The following ROBO2 variants were observed in gnomAD, a reference collection of about 807,000 sequenced individuals.
The protein encoded by ROBO2 is roundabout homolog 2.
In ROBO2, 53 loss-of-function variants were observed where a neutral mutation model predicts 160.8. The observed-to-expected ratio is 0.33, with a 90% CI of 0.26 to 0.41. The LOEUF is 0.41. Ranked by LOEUF, ROBO2 falls within the 10% of genes least tolerant of loss-of-function variation. The probability of loss-of-function intolerance (pLI) is 1.00; values close to 1 mark genes in which losing one functional copy is unlikely to be tolerated. For missense variants in ROBO2, 1,577 were observed against 1,722.4 expected (o/e 0.92, Z 1.49); for synonymous variants, 664 against 611.7 (o/e 1.09, Z -1.26).
intron 21 of ROBO2, among the ~76,000 whole-genome samples, chr3:77,613,949 T>A (rs888620399): frequency 6.6e-6 from 1 of 152,082 alleles, no homozygotes; most frequent in Non-Finnish European, 1.5e-5. Context: ...TTAAGATAGG[T>A]AAAACTGGAG....
intron 2 of ROBO2, among the ~76,000 whole-genome samples, chr3:77,108,871 C>T (rs759397892): frequency 6.6e-5 from 10 of 152,114 alleles, no homozygotes; most frequent in Middle Eastern, 3.4e-3. Context: ...AATGACTAAA[C>T]GAATTGATGA....
chr3:76,893,311 A>AACACACAC (rs112654771), intron 2 of ROBO2, among the ~76,000 whole-genome samples: 1,611 of 149,288 alleles, frequency 0.011, 17 homozygotes, highest in African/African-American at 0.035. Context: ...TTTTCAAGTG[A>AACACACAC]ACACACACAC....
At chr3:76,545,013 G>A (rs184938187) in intron 2 of ROBO2, among the ~76,000 whole-genome samples, 4 of 152,010 alleles carry the variant, frequency 2.6e-5, no homozygotes, top group Non-Finnish European at 5.9e-5. Flanking sequence ...TTGATGTCCA[G>A]GGCTAAACTT....
At chr3:77,148,011 C>G (rs1174859487) in intron 2 of ROBO2, among the ~76,000 whole-genome samples, 1 of 152,198 alleles carries the variant, frequency 6.6e-6, no homozygotes, top group Non-Finnish European at 1.5e-5. Context: ...CACACAGAGA[C>G]GCGAGGCCTG....
At chr3:77,120,134 G>C (rs970791406) in intron 2 of ROBO2, among the ~76,000 whole-genome samples, 1 of 152,148 alleles carries the variant, frequency 6.6e-6, no homozygotes, top group African/African-American at 2.4e-5. Flanking sequence ...TTAGCATCAT[G>C]ATGACCGATA....
chr3:76,068,510 G>A (rs4306863), intron 2 of ROBO2, among the ~76,000 whole-genome samples: 94,303 of 151,538 alleles, frequency 0.62, 29,942 homozygotes, highest in African/African-American at 0.74. Flanking sequence ...AGACCCTATC[G>A]CCTCTCAATT....
exon 16 of ROBO2, chr3:77,580,083 T>C (rs868146167): frequency 6.2e-7 from 1 of 1,613,678 alleles, no homozygotes; most frequent in Admixed American, 1.7e-5. Flanking sequence ...AGTGCAGGGG[T>C]TGGAGTAAAG....
rs143533144 is a variant in ROBO2, at chr3:77,427,339, A to G, written c.389-50075A>G. ...TGCTAGTCAGTGTTGTAAGCACTTG[A>G]TGTATTATTTCATTTAATTATTACA... On this transcript the variant is annotated intron_variant, in intron 2 of 25. Coordinates refer to ENST00000461745, the Ensembl canonical transcript of ROBO2. 2.7e-3 allele frequency among the ~76,000 whole-genome samples: 404 copies of G among 152,318 alleles called. 1 individual carries two copies. The highest frequency in any genetic ancestry group is 4.4e-3 in the Non-Finnish European group (296 of 68,030).
At chr3:76,668,746 GA>G (rs11370978) in intron 2 of ROBO2, among the ~76,000 whole-genome samples, 41,384 of 149,558 alleles carry the variant, frequency 0.28, 6,226 homozygotes, top group East Asian at 0.52. Flanking sequence ...CAAACTCAGA[GA>G]AAAAAAAAAA....
chr3:76,101,637 T>C (rs2108168713), intron 2 of ROBO2, among the ~76,000 whole-genome samples: 1 of 152,022 alleles, frequency 6.6e-6, no homozygotes, highest in South Asian at 2.1e-4. Context: ...CATGTTGGTG[T>C]GCTGCACCCA....
intron 2 of ROBO2, among the ~76,000 whole-genome samples, chr3:76,218,765 T>C (rs181234153): frequency 0.03 from 4,527 of 151,574 alleles, 163 homozygotes; most frequent in African/African-American, 0.082. Context: ...TTCAATGCCA[T>C]CCCCATCAAG....
intron 2 of ROBO2, among the ~76,000 whole-genome samples, chr3:77,387,382 A>T (rs7612094): frequency 0.32 from 48,235 of 150,652 alleles, 7,981 homozygotes; most frequent in East Asian, 0.46. Context: ...GAGAAGAAAA[A>T]AAGAACATCT....
chr3:77,067,782 T>A (rs555615259), intron 1 of ROBO2, among the ~76,000 whole-genome samples: 13 of 152,310 alleles, frequency 8.5e-5, no homozygotes, highest in African/African-American at 2.9e-4. Flanking sequence ...TGGCTGATGT[T>A]AAAATAAGAG....
At position 76,976,429 on chromosome 3, in the gene ROBO2, T is replaced by C. The variant is rs2059819698; in HGVS notation, c.110-121585T>C. On this transcript the variant is annotated intron_variant, in intron 2 of 26. Transcript: ENST00000487694. ...AATCGCTTAAATGGGAAATGGGAAG[T>C]TTTTTACAAACCGTATTTGAATGGC... is the stretch of plus-strand genomic sequence containing the variant. 2.0e-5 allele frequency among the ~76,000 whole-genome samples: 3 copies of C among 152,194 alleles called. No homozygotes were observed. The South Asian group carries it at 6.2e-4, about 31-fold the overall frequency.
chr3:76,927,276 A>C (rs2077045892), intron 2 of ROBO2, among the ~76,000 whole-genome samples: 1 of 152,026 alleles, frequency 6.6e-6, no homozygotes. Flanking sequence ...TACCACCCCC[A>C]CCACCAGAAA....
At chr3:76,968,082 C>T (rs1037460493) in intron 2 of ROBO2, among the ~76,000 whole-genome samples, 5 of 151,974 alleles carry the variant, frequency 3.3e-5, no homozygotes, top group African/African-American at 1.2e-4. Context: ...TTAGAAGGTG[C>T]CCAAGAGAAC....
intron 2 of ROBO2, among the ~76,000 whole-genome samples, chr3:76,083,300 A>C (rs2068897162): frequency 6.6e-6 from 1 of 152,148 alleles, no homozygotes; most frequent in Non-Finnish European, 1.5e-5. Context: ...ATAAGGATAT[A>C]AATACTGCAA....
chr3:76,636,845 C>T (rs1002887195), intron 2 of ROBO2, among the ~76,000 whole-genome samples: 2 of 151,618 alleles, frequency 1.3e-5, no homozygotes, highest in African/African-American at 4.8e-5. Flanking sequence ...GGCAGGGTGA[C>T]AATAGGTGAT....
chr3:76,434,280 C>A, intron 2 of ROBO2: 3 of 1,007,222 alleles, frequency 3.0e-6, no homozygotes. Context: ...TCAGTGTCAA[C>A]AGCCAGCAGA....
Sources: allele counts gnomAD v4.1 joint callset (sites outside exome capture counted in the v4.1 genomes callset), GRCh38; gene constraint gnomAD v4.1.1; transcripts MANE v1.5; gene names NCBI Gene and HGNC (gene_info 2026-07-23, HGNC 2026-07-21).